DLGAP2: variants seen among roughly 807,000 people sequenced by gnomAD.
The protein encoded by DLGAP2 is disks large-associated protein 2.
DLGAP2 carries 26 observed loss-of-function variants against 100.3 expected under a neutral mutation model. The ratio of observed to expected loss-of-function variants is 0.26; its 90% CI spans 0.19 to 0.36. The LOEUF (loss-of-function observed/expected upper bound fraction) is 0.36, where lower values mean the gene tolerates loss of function less well. Among genes scored for constraint, DLGAP2 ranks in the 10% least tolerant of loss-of-function variants. DLGAP2 has a pLI of 1.00. For missense variants in DLGAP2, 1,858 were observed against 1,453.2 expected (o/e 1.28, Z -4.53); for synonymous variants, 886 against 630.1 (o/e 1.41, Z -6.08).
At chr8:1,558,687 A>T (rs1014734679) in intron 5 of DLGAP2, among the ~76,000 whole-genome samples, 5 of 151,400 alleles carry the variant, frequency 3.3e-5, no homozygotes, top group Non-Finnish European at 7.4e-5. Flanking sequence ...GCACACCCGT[A>T]TACCTGCACA....
chr8:1,450,911 A>G (rs1252629038), intron 3 of DLGAP2, among the ~76,000 whole-genome samples: 1 of 152,164 alleles, frequency 6.6e-6, no homozygotes, highest in African/African-American at 2.4e-5. Context: ...TTGCTTAGTG[A>G]AACACTTTTT....
chr8:1,544,648 C>G (rs1324503987), intron 4 of DLGAP2, among the ~76,000 whole-genome samples: 1 of 152,032 alleles, frequency 6.6e-6, no homozygotes, highest in Non-Finnish European at 1.5e-5. Context: ...TTGAACCACC[C>G]TTGCATTGCT....
At chr8:1,492,697 C>A (rs914232832) in intron 3 of DLGAP2, among the ~76,000 whole-genome samples, 6 of 152,118 alleles carry the variant, frequency 3.9e-5, no homozygotes, top group South Asian at 4.1e-4. Context: ...CCGGGATGGA[C>A]CCCCCGCCTC....
intron 6 of DLGAP2, among the ~76,000 whole-genome samples, chr8:1,572,640 GGA>G (rs1388023730): frequency 7.1e-6 from 1 of 141,104 alleles, no homozygotes; most frequent in African/African-American, 2.7e-5. Flanking sequence ...GGGATGGAGA[GGA>G]GAGAGGGTGA....
At chr8:1,270,591 G>A (rs555861592) in intron 3 of DLGAP2, among the ~76,000 whole-genome samples, 22 of 152,248 alleles carry the variant, frequency 1.4e-4, no homozygotes, top group African/African-American at 5.1e-4. Context: ...TGAAGTGGGG[G>A]CTTCTTAAGA....
At chr8:1,346,782 C>G (rs1801569744) in intron 3 of DLGAP2, among the ~76,000 whole-genome samples, 1 of 151,240 alleles carries the variant, frequency 6.6e-6, no homozygotes, top group South Asian at 2.1e-4. Context: ...CTATACAGAA[C>G]TGCTTTGAAC....
intron 8 of DLGAP2, among the ~76,000 whole-genome samples, chr8:1,664,178 C>T (rs940258538): frequency 6.6e-6 from 1 of 152,184 alleles, no homozygotes; most frequent in Non-Finnish European, 1.5e-5. Context: ...CCCGTGGCAG[C>T]GTTGGTGCAT....
At chr8:918,921 T>C (rs186597540) in intron 2 of DLGAP2, among the ~76,000 whole-genome samples, 2 of 152,302 alleles carry the variant, frequency 1.3e-5, no homozygotes, top group East Asian at 3.9e-4. Context: ...CTTTCAGTGC[T>C]GTAGGGTTTT....
intron 2 of DLGAP2, among the ~76,000 whole-genome samples, chr8:963,120 C>A (rs186380347): frequency 1.8e-4 from 27 of 152,266 alleles, no homozygotes; most frequent in African/African-American, 6.0e-4. Context: ...GCAGCAACAG[C>A]GGTCACCCCT....
intron 2 of DLGAP2, among the ~76,000 whole-genome samples, chr8:973,699 C>T (rs549774432): frequency 1.3e-4 from 20 of 152,370 alleles, no homozygotes; most frequent in Non-Finnish European, 2.5e-4. Flanking sequence ...TTCTCTTTCA[C>T]GGTACCTCAG....
chr8:861,710 A>C (rs1169260392), intron 1 of DLGAP2, among the ~76,000 whole-genome samples: 1 of 152,246 alleles, frequency 6.6e-6, no homozygotes, highest in Non-Finnish European at 1.5e-5. Context: ...TGGCGGTTGC[A>C]AACCTGGCGA....
intron 4 of DLGAP2, among the ~76,000 whole-genome samples, chr8:1,547,166 C>G (rs930984913): frequency 6.6e-6 from 1 of 152,076 alleles, no homozygotes; most frequent in African/African-American, 2.4e-5. Flanking sequence ...ACGTGCGGAC[C>G]GTGGGGCAGA....
intron 4 of DLGAP2, among the ~76,000 whole-genome samples, chr8:1,545,471 A>T (rs1172718647): frequency 6.6e-6 from 1 of 152,172 alleles, no homozygotes; most frequent in African/African-American, 2.4e-5. Context: ...GTTTTCTCTC[A>T]ATGACAAAAA....
At chr8:1,266,237 G>T (rs1799447720) in intron 3 of DLGAP2, among the ~76,000 whole-genome samples, 1 of 152,176 alleles carries the variant, frequency 6.6e-6, no homozygotes, top group Non-Finnish European at 1.5e-5. Flanking sequence ...TTTTTTGCTT[G>T]ACTTCAGTCC....
chr8:759,711 G>T (rs1403529320), intron 1 of DLGAP2, among the ~76,000 whole-genome samples: 1 of 152,208 alleles, frequency 6.6e-6, no homozygotes, highest in Non-Finnish European at 1.5e-5. Flanking sequence ...CCTGTGTGTA[G>T]CTCTGTGGGG....
chr8:1,200,633 G>T (rs1281339026), intron 2 of DLGAP2, among the ~76,000 whole-genome samples: 1 of 152,176 alleles, frequency 6.6e-6, no homozygotes, highest in Admixed American at 6.5e-5. Context: ...TGCGCTGGAC[G>T]GCAAACTGCA....
chr8:1,469,005 C>G (rs574758841), intron 3 of DLGAP2, among the ~76,000 whole-genome samples: 1 of 152,224 alleles, frequency 6.6e-6, no homozygotes, highest in Admixed American at 6.5e-5. Context: ...ACTGCAAAGA[C>G]CAAGGTCAGA....
chr8:1,496,010 G>T (rs538160719), intron 3 of DLGAP2, among the ~76,000 whole-genome samples: 1 of 152,102 alleles, frequency 6.6e-6, no homozygotes, highest in Non-Finnish European at 1.5e-5. Flanking sequence ...TGGGGCCCCC[G>T]GCACGGTTCT....
intron 1 of DLGAP2, among the ~76,000 whole-genome samples, chr8:852,208 T>C (rs1366464800): frequency 6.6e-6 from 1 of 152,150 alleles, no homozygotes; most frequent in African/African-American, 2.4e-5. Flanking sequence ...AGGAAATCTG[T>C]CTCTCTCACC....
Sources: gnomAD v4.1 joint callset for allele counts (sites outside exome capture counted in the v4.1 genomes callset) on GRCh38, gnomAD v4.1.1 for gene constraint, MANE v1.5 for transcripts, NCBI Gene and HGNC (gene_info 2026-07-23, HGNC 2026-07-21) for gene names.